Variants in FMN1 observed in about 807,000 individuals in gnomAD.
The protein encoded by FMN1 is formin-1.
Under a neutral mutation model 132.4 loss-of-function variants are expected in FMN1, and 110 were observed. The ratio of observed to expected loss-of-function variants is 0.83; its 90% CI spans 0.71 to 0.97. The LOEUF (loss-of-function observed/expected upper bound fraction) is 0.97, where lower values mean the gene tolerates loss of function less well. FMN1 is among the 50% of genes least tolerant of loss of function. The pLI, the probability that FMN1 is intolerant of heterozygous loss-of-function variation, is 0.00. For missense variants in FMN1, 1,792 were observed against 1,705.3 expected, an observed-to-expected ratio of 1.05 and a Z score of -0.90; for synonymous variants, 722 against 651.7, an observed-to-expected ratio of 1.11 and a Z score of -1.64.
intron 6 of FMN1, among the ~76,000 whole-genome samples, chr15:33,050,751 A>G (rs1380475758): frequency 1.3e-5 from 2 of 152,236 alleles, no homozygotes; most frequent in African/African-American, 4.8e-5. Flanking sequence ...GCATAAACCA[A>G]ATATACAAGA....
At chr15:33,029,710 G>C (rs1421000595) in intron 6 of FMN1, among the ~76,000 whole-genome samples, 2 of 152,000 alleles carry the variant, frequency 1.3e-5, no homozygotes, top group Non-Finnish European at 2.9e-5. Context: ...CAGTGTCTCA[G>C]AGAAGGAAGT....
chr15:32,909,506 G>A (rs1213742615), intron 11 of FMN1, among the ~76,000 whole-genome samples: 2 of 152,208 alleles, frequency 1.3e-5, no homozygotes, highest in African/African-American at 4.8e-5. Flanking sequence ...AATTGGTGAT[G>A]CCACCAAGCC....
At chr15:33,062,680 T>C (rs556600149) in intron 6 of FMN1, 15 of 152,230 alleles carry the variant, frequency 9.9e-5, no homozygotes, top group Non-Finnish European at 1.9e-4. Context: ...ATTCAAATTC[T>C]ATTTTTATTT....
At chr15:33,055,981 A>G (rs547308105) in intron 6 of FMN1, among the ~76,000 whole-genome samples, 4 of 152,366 alleles carry the variant, frequency 2.6e-5, no homozygotes, top group African/African-American at 9.6e-5. Flanking sequence ...AAAAGTGCTC[A>G]GCCTGGCTGG....
intron 19 of FMN1, among the ~76,000 whole-genome samples, chr15:32,779,478 G>C (rs1397302634): frequency 6.6e-6 from 1 of 152,100 alleles, no homozygotes; most frequent in Non-Finnish European, 1.5e-5. Flanking sequence ...GAAGAAATTG[G>C]TCTAGTTGGG....
At chr15:33,007,853 A>G (rs1174251026) in intron 7 of FMN1, among the ~76,000 whole-genome samples, 161 bp downstream of exon 7, 1 of 152,262 alleles carries the variant, frequency 6.6e-6, no homozygotes, top group Non-Finnish European at 1.5e-5. Flanking sequence ...ACAGAATCCA[A>G]GACTTTTCAT....
intron 7 of FMN1, among the ~76,000 whole-genome samples, chr15:32,979,791 C>A (rs934734339): frequency 2.0e-5 from 3 of 152,098 alleles, no homozygotes; most frequent in Admixed American, 2.0e-4. Flanking sequence ...CAAAAGCATA[C>A]CAAAGTCATT....
rs545550572 is a variant in FMN1 at position 32,765,921 on chromosome 15, A to G, written c.*8389T>C. 6.6e-6 allele frequency: 1 copy of G among 151,922 alleles called. No homozygotes were observed. Among genetic ancestry groups the G allele is most frequent in the African/African-American group, 2.4e-5 (1 of 41,398 alleles). The allele number at this position is 151,922 out of a possible 1,614,324, so 9.4% of individuals were successfully genotyped here. On this transcript the variant is annotated 3_prime_UTR_variant, in exon 21 of 21. Transcript: ENST00000616417. ...ACATTTATAAATTCAACTCATGAGC[A>G]TTTCTCAGCTTTGACAAAATTAAAT...
At chr15:32,993,161 G>C (rs1357921470) in intron 7 of FMN1, among the ~76,000 whole-genome samples, 2 of 152,124 alleles carry the variant, frequency 1.3e-5, no homozygotes, top group Non-Finnish European at 2.9e-5. Flanking sequence ...TTCATTCAGA[G>C]AAATATCATT....
At chr15:33,091,892 G>C (rs1286674008) in intron 4 of FMN1, among the ~76,000 whole-genome samples, 1 of 152,174 alleles carries the variant, frequency 6.6e-6, no homozygotes, top group African/African-American at 2.4e-5. Flanking sequence ...AAATAGATTT[G>C]GGGGTGTTAG....
chr15:32,873,853 C>G (rs545225164), intron 16 of FMN1, among the ~76,000 whole-genome samples: 3 of 152,092 alleles, frequency 2.0e-5, no homozygotes, highest in African/African-American at 7.2e-5. Flanking sequence ...GCCTGGGGAG[C>G]GCAAGGAATT....
chr15:32,962,585 C>A (rs1213171977), intron 9 of FMN1, among the ~76,000 whole-genome samples: 1 of 151,078 alleles, frequency 6.6e-6, no homozygotes, highest in Non-Finnish European at 1.5e-5. Flanking sequence ...ATTTTTGCAA[C>A]CTACTCATCT....
intron 4 of FMN1, among the ~76,000 whole-genome samples, chr15:33,136,980 T>C (rs1963794943): frequency 6.8e-6 from 1 of 147,460 alleles, no homozygotes; most frequent in Admixed American, 7.0e-5. Context: ...CCCAGCTACC[T>C]GGGAGGCTGA....
At position 32,857,550 on chromosome 15, in the gene FMN1, C is replaced by T. The variant is rs144674978; in HGVS notation, c.3836-443G>A. 9.0e-3 allele frequency among the ~76,000 whole-genome samples: 1,371 copies of T among 152,254 alleles called. 10 individuals carry two copies. Among genetic ancestry groups the T allele is most frequent in the Middle Eastern group, 0.031 (9 of 294 alleles). On this transcript the variant is annotated intron_variant, in intron 16 of 20. Transcript: ENST00000616417. ...AGAAATTCTCAGGCACCCAAGTTGTCTAGAACTACCAACCTAGTGATTGGC... is the reference window on the plus strand; with the variant it reads ...AGAAATTCTCAGGCACCCAAGTTGTTTAGAACTACCAACCTAGTGATTGGC...
intron 9 of FMN1, among the ~76,000 whole-genome samples, chr15:32,944,579 T>G (rs1364404714): frequency 6.6e-6 from 1 of 152,234 alleles, no homozygotes; most frequent in African/African-American, 2.4e-5. Flanking sequence ...TGAAGTTTAC[T>G]TTAAGGATCT....
chr15:33,048,086 G>C (rs554351849), intron 6 of FMN1, among the ~76,000 whole-genome samples: 81 of 152,028 alleles, frequency 5.3e-4, no homozygotes, highest in African/African-American at 1.9e-3. Context: ...TAATCTTTGG[G>C]AAATAAAAAG....
chr15:32,891,511 G>A lies in FMN1; in HGVS notation c.3715-3219C>T, dbSNP rs186979070. 2.7e-3 allele frequency among the ~76,000 whole-genome samples: 412 copies of A among 152,344 alleles called. 5 individuals carry two copies. Among genetic ancestry groups the A allele is most frequent in the African/African-American group, 9.2e-3 (381 of 41,584 alleles). ...CCTCGGCATTCCAACTGGGATTACA[G>A]GCGTGAGCCACCGTGTCCAGCCTAG... is the stretch of plus-strand genomic sequence containing the variant. On this transcript the variant is annotated intron_variant, in intron 15 of 20. Transcript: ENST00000616417.
At chr15:32,908,773 TG>T (rs1282206509) in intron 11 of FMN1, among the ~76,000 whole-genome samples, 195 bp from the exon 12 acceptor site, 1 of 151,312 alleles carries the variant, frequency 6.6e-6, no homozygotes, top group Non-Finnish European at 1.5e-5. Flanking sequence ...TGGGTGGGGG[TG>T]GGGGGATGCA....
intron 3 of FMN1, among the ~76,000 whole-genome samples, chr15:33,160,685 G>A (rs1410879260): frequency 5.9e-5 from 9 of 152,198 alleles, no homozygotes; most frequent in African/African-American, 1.4e-4. Flanking sequence ...CAAATGCAGC[G>A]GCTCTGCAGA....
Sources: allele counts gnomAD v4.1 joint callset (sites outside exome capture counted in the v4.1 genomes callset), GRCh38; gene constraint gnomAD v4.1.1; transcripts MANE v1.5; gene names NCBI Gene and HGNC (gene_info 2026-07-23, HGNC 2026-07-21).